GRIN3A: variants seen among roughly 807,000 people sequenced by gnomAD.
GRIN3A encodes the protein glutamate ionotropic receptor NMDA type subunit 3A.
A neutral mutation model predicts 92.4 loss-of-function variants in GRIN3A; 47 were observed. The observed-to-expected ratio is 0.51, with a 90% CI of 0.40 to 0.65. The LOEUF (loss-of-function observed/expected upper bound fraction) is 0.65. Ranked by LOEUF, GRIN3A falls within the 30% of genes least tolerant of loss-of-function variation. The pLI is 0.00. For missense variants in GRIN3A, 1,324 were observed against 1,393.1 expected, an observed-to-expected ratio of 0.95 and a Z score of 0.79; for synonymous variants, 527 against 540.6, an observed-to-expected ratio of 0.97 and a Z score of 0.35.
intron 5 of GRIN3A, among the ~76,000 whole-genome samples, chr9:101,616,233 G>A (rs1484053399): frequency 2.0e-5 from 3 of 152,182 alleles, no homozygotes; most frequent in African/African-American, 4.8e-5. Context: ...GTGCAAATAA[G>A]TCCTGAATAA....
At chr9:101,639,177 C>T (rs1187805020) in intron 3 of GRIN3A, among the ~76,000 whole-genome samples, 3 of 152,066 alleles carry the variant, frequency 2.0e-5, no homozygotes, top group African/African-American at 7.2e-5. Context: ...AACCCAACTA[C>T]CAGGTACGAT....
At chr9:101,706,249 G>T (rs1280748916) in intron 1 of GRIN3A, among the ~76,000 whole-genome samples, 1 of 152,134 alleles carries the variant, frequency 6.6e-6, no homozygotes, top group Non-Finnish European at 1.5e-5. Flanking sequence ...TGACAATTTG[G>T]TAGTTAATTC....
At chr9:101,643,681 T>TCA (rs1431316181) in intron 3 of GRIN3A, among the ~76,000 whole-genome samples, 5 of 150,532 alleles carry the variant, frequency 3.3e-5, no homozygotes, top group African/African-American at 4.9e-5. Flanking sequence ...TCTCTCTCTC[T>TCA]CTCACACACA....
intron 6 of GRIN3A, chr9:101,593,811 C>G (rs1828067067): frequency 6.6e-6 from 1 of 152,442 alleles, no homozygotes; most frequent in African/African-American, 2.4e-5. Flanking sequence ...GCCAAATGAA[C>G]TCCTACCCCT....
intron 1 of GRIN3A, among the ~76,000 whole-genome samples, chr9:101,715,198 G>GATAAAAAA: frequency 1.5e-5 from 1 of 66,226 alleles, no homozygotes; most frequent in Non-Finnish European, 3.5e-5. Flanking sequence ...TGACAAAAAT[G>GATAAAAAA]GTAAAAAAAA....
At chr9:101,662,054 C>T (rs187627183) in intron 3 of GRIN3A, among the ~76,000 whole-genome samples, 3 of 151,676 alleles carry the variant, frequency 2.0e-5, no homozygotes, top group African/African-American at 4.8e-5. Flanking sequence ...ATATACCTTG[C>T]TATCTTCCCG....
At chr9:101,583,705 T>A (rs1410045474) in intron 6 of GRIN3A, among the ~76,000 whole-genome samples, 4 of 152,166 alleles carry the variant, frequency 2.6e-5, no homozygotes, top group Non-Finnish European at 5.9e-5. Context: ...TGTAAATGAA[T>A]GCAAAAAGAA....
chr9:101,736,448 AAT>A (rs59161053), intron 1 of GRIN3A, among the ~76,000 whole-genome samples: 10,309 of 152,194 alleles, frequency 0.068, 721 homozygotes, highest in African/African-American at 0.18. Context: ...TTTCATTGAA[AAT>A]ATGTTTAGCT....
chr9:101,711,179 T>C (rs1829872358), intron 1 of GRIN3A, among the ~76,000 whole-genome samples: 1 of 152,156 alleles, frequency 6.6e-6, no homozygotes, highest in Admixed American at 6.5e-5. Context: ...ACTACTGAAC[T>C]TCTGACCATA....
chr9:101,664,782 T>G (rs992998120), intron 3 of GRIN3A, among the ~76,000 whole-genome samples: 2 of 152,000 alleles, frequency 1.3e-5, no homozygotes, highest in African/African-American at 4.8e-5. Flanking sequence ...ATTCACCCTC[T>G]TAATTCTTAA....
intron 3 of GRIN3A, among the ~76,000 whole-genome samples, chr9:101,658,790 C>T (rs1315110371): frequency 6.6e-6 from 1 of 151,068 alleles, no homozygotes; most frequent in African/African-American, 2.5e-5. Context: ...ATGTATCTAT[C>T]CATGCAATTG....
intron 6 of GRIN3A, among the ~76,000 whole-genome samples, chr9:101,586,856 T>C (rs1827956242): frequency 6.6e-6 from 1 of 152,192 alleles, no homozygotes; most frequent in Non-Finnish European, 1.5e-5. Context: ...TGTTTGGAGA[T>C]GAGTCATTTC....
At chr9:101,603,973 T>A (rs963389570) in intron 6 of GRIN3A, among the ~76,000 whole-genome samples, 1 of 152,242 alleles carries the variant, frequency 6.6e-6, no homozygotes, top group Admixed American at 6.5e-5. Flanking sequence ...TTACCTTATG[T>A]CTTCATTTAT....
chr9:101,732,256 T>A (rs1307680064), intron 1 of GRIN3A, among the ~76,000 whole-genome samples: 1 of 152,064 alleles, frequency 6.6e-6, no homozygotes, highest in East Asian at 1.9e-4. Context: ...TATGAAAAAA[T>A]TTGGATGTTT....
At chr9:101,603,036 T>G (rs1006415892) in intron 6 of GRIN3A, 4 of 111,010 alleles carry the variant, frequency 3.6e-5, no homozygotes, top group Non-Finnish European at 9.3e-5. Flanking sequence ...GACACTGAGC[T>G]AGAGGAAAGA....
chr9:101,600,813 TC>T (rs1185780087), intron 6 of GRIN3A: 1 of 152,184 alleles, frequency 6.6e-6, no homozygotes, highest in Non-Finnish European at 1.5e-5. Flanking sequence ...GTTTGACCAT[TC>T]CCCATACACT....
In GRIN3A at chr9:101,737,468, G is replaced by A. The variant is rs867334369; in HGVS notation, c.512C>T (p.Ser171Leu). The change falls in exon 1 of 9, where the codon TCG (serine) becomes TTG (leucine). Residue 171 changes from serine to leucine, a missense_variant. By Grantham distance (145) the Ser-to-Leu change is moderately radical. Coordinates refer to ENST00000361820, the MANE Select transcript of GRIN3A (RefSeq NM_133445.3). Reference protein sequence around the residue: ...LPLLPFSSPSSPWSSDPFSFL... With the variant: ...LPLLPFSSPSLPWSSDPFSFL... ...GGAGAAAGGGTCACTGCTCCATGGC[G>A]AACTAGGGGAGGAGAAGGGCAAAAG... is the stretch of plus-strand genomic sequence containing the variant. 3.7e-6 allele frequency: 6 copies of A among 1,614,130 alleles called. No homozygotes were observed.
At chr9:101,604,279 AG>A (rs2118831776) in intron 6 of GRIN3A, among the ~76,000 whole-genome samples, 1 of 152,356 alleles carries the variant, frequency 6.6e-6, no homozygotes, top group Admixed American at 6.5e-5. Flanking sequence ...AGGAAGCAAA[AG>A]AAAGAACGAA....
intron 1 of GRIN3A, among the ~76,000 whole-genome samples, chr9:101,708,021 T>C (rs1253839887): frequency 6.6e-6 from 1 of 152,026 alleles, no homozygotes; most frequent in Admixed American, 6.6e-5. Context: ...TGCAAAAAGG[T>C]CTGTGGGGGG....
Sources: gnomAD v4.1 joint callset for allele counts (sites outside exome capture counted in the v4.1 genomes callset) on GRCh38, gnomAD v4.1.1 for gene constraint, MANE v1.5 for transcripts, NCBI Gene and HGNC (gene_info 2026-07-23, HGNC 2026-07-21) for gene names.